Variants in DNAH9 observed in about 807,000 individuals in gnomAD.
DNAH9 encodes the protein dynein axonemal heavy chain 9, also known as DNAH9 variant protein.
Under a neutral mutation model 471.6 loss-of-function variants are expected in DNAH9, and 345 were observed. The ratio of observed to expected loss-of-function variants is 0.73; its 90% CI spans 0.67 to 0.80. The LOEUF is 0.80. Ranked by LOEUF, DNAH9 falls within the 30% of genes least tolerant of loss-of-function variation. The pLI is 0.00. For missense variants in DNAH9, 5,407 were observed against 5,609.2 expected, an observed-to-expected ratio of 0.96 and a Z score of 1.15; for synonymous variants, 2,093 against 2,123.6, an observed-to-expected ratio of 0.99 and a Z score of 0.40.
At chr17:11,924,011 TC>T in intron 62 of DNAH9, 70 bp downstream of exon 62, 1 of 1,567,262 alleles carries the variant, frequency 6.4e-7, no homozygotes, top group East Asian at 2.3e-5. Context: ...ACTGGGCATC[TC>T]CATCCACTCT....
intron 48 of DNAH9, among the ~76,000 whole-genome samples, chr17:11,828,259 AG>A (rs1970571195): frequency 6.6e-6 from 1 of 151,944 alleles, no homozygotes. Flanking sequence ...GGATCACCTG[AG>A]GTCAGGAGTT....
At chr17:11,803,399 T>C (rs9896005) in intron 43 of DNAH9, among the ~76,000 whole-genome samples, 26,266 of 151,732 alleles carry the variant, frequency 0.17, 2,379 homozygotes, top group African/African-American at 0.21. Context: ...TGTGTGTGTG[T>C]GCGCTCGCAC....
intron 41 of DNAH9, 82 bp from the exon 42 acceptor site, chr17:11,793,421 A>G: frequency 7.6e-7 from 1 of 1,321,066 alleles, no homozygotes; most frequent in Non-Finnish European, 1.1e-6. Context: ...CAGGTTAGAT[A>G]AAATGCTCCA....
chr17:11,671,800 C>A (rs990516831), intron 17 of DNAH9, among the ~76,000 whole-genome samples: 3 of 152,204 alleles, frequency 2.0e-5, no homozygotes, highest in Admixed American at 6.5e-5. Flanking sequence ...CCATAGGCAT[C>A]AACCAGGCAG....
At chr17:11,915,522 A>AAAACAAAC (rs61595504) in intron 61 of DNAH9, among the ~76,000 whole-genome samples, 1 of 151,664 alleles carries the variant, frequency 6.6e-6, no homozygotes, top group South Asian at 2.1e-4. Context: ...CTCCATCTCA[A>AAAACAAAC]AAACAAACAA....
At position 11,869,273 on chromosome 17, in the gene DNAH9, GC is replaced by G. The variant is rs1567862547; in HGVS notation, c.10053+23del. 1 of 1,610,862 alleles carries G rather than the reference GC, an allele frequency of 6.2e-7. No homozygotes were observed. Among genetic ancestry groups the G allele is most frequent in the Admixed American group, 1.7e-5 (1 of 59,748 alleles). On this transcript the variant is annotated intron_variant, in intron 51 of 68. Coordinates refer to ENST00000262442, the MANE Select transcript of DNAH9 (RefSeq NM_001372.4). The stretch of plus-strand genomic sequence containing the variant: ...CGCCTGGTGAGTGTAAGCCACAGCA[GC>G]CCGAGCTGTAATTATATTAGCAGGC...
rs58010981 is a variant in DNAH9 at position 11,821,286 on chromosome 17, C to CA, written c.8708-613dup. On this transcript the variant is annotated intron_variant, in intron 45 of 68. Transcript: ENST00000262442. ...GGGCAACAGGAGCAAAACTCTATCTCAAAAAAAAAAAAAAAAAAAAATCAA... is the reference window on the plus strand; with the variant it reads ...GGGCAACAGGAGCAAAACTCTATCTCAAAAAAAAAAAAAAAAAAAAAATCAA... Among the ~76,000 whole-genome samples, 407 of 123,828 alleles carry CA rather than the reference C, an allele frequency of 3.3e-3. 2 individuals are homozygous for CA. Among genetic ancestry groups the CA allele is most frequent in the South Asian group, 9.2e-3 (34 of 3,690 alleles). The allele number at this position is 123,828 out of a possible 152,430, so 81.2% of individuals were successfully genotyped here.
intron 49 of DNAH9, among the ~76,000 whole-genome samples, chr17:11,852,147 T>A (rs1413689651): frequency 1.3e-5 from 2 of 152,174 alleles, no homozygotes; most frequent in Non-Finnish European, 2.9e-5. Flanking sequence ...GTACTTCCAT[T>A]CGGAGCTAGA....
At chr17:11,608,545 A>G (rs1415782325) in intron 2 of DNAH9, among the ~76,000 whole-genome samples, 2 of 152,156 alleles carry the variant, frequency 1.3e-5, no homozygotes, top group Non-Finnish European at 2.9e-5. Context: ...TTCCAAGGCT[A>G]TTACAGCAAT....
intron 63 of DNAH9, 61 bp downstream of exon 63, chr17:11,930,154 G>A: frequency 7.1e-7 from 1 of 1,413,190 alleles, no homozygotes; most frequent in Non-Finnish European, 9.9e-7. Flanking sequence ...GATGCAAACT[G>A]GTGGGGGGAG....
In DNAH9 at chr17:11,798,852, C is replaced by A. The variant is rs565990353; in HGVS notation, c.8420+1059C>A. On this transcript the variant is annotated intron_variant, in intron 43 of 68. Coordinates refer to ENST00000262442, the MANE Select transcript of DNAH9 (RefSeq NM_001372.4). ...CCAGGGCCTAGAGAGGAGTAAGTAA[C>A]CTCCTTACCCCCAGTCCCCCACCCC... 2.0e-5 allele frequency among the ~76,000 whole-genome samples: 3 copies of A among 152,150 alleles called. No individual in the cohort carries two copies. The East Asian group carries it at 5.8e-4, about 29-fold the overall frequency.
intron 45 of DNAH9, among the ~76,000 whole-genome samples, chr17:11,810,778 A>G (rs1969866245): frequency 6.6e-6 from 1 of 152,222 alleles, no homozygotes; most frequent in African/African-American, 2.4e-5. Flanking sequence ...GAGCATGAGC[A>G]TGCACGCGTA....
rs1192006131 is a variant in DNAH9 at position 11,693,998 on chromosome 17, G to A, written c.4745G>A (p.Arg1582Lys). 1.9e-6 allele frequency: 3 copies of A among 1,613,612 alleles called. No individual in the cohort carries two copies. The highest frequency in any genetic ancestry group is 2.7e-5 in the African/African-American group (2 of 74,908). The change falls in exon 21 of 69, where the codon AGA (arginine) becomes AAA (lysine). Residue 1582 changes from arginine (R) to lysine (K), a missense_variant and splice_region_variant. Around this residue, in one of 3 missense-constraint regions of DNAH9, gnomAD observed 4,636 missense variants for 4,900.3 expected, o/e 0.95. Coordinates refer to ENST00000262442, the MANE Select transcript of DNAH9 (RefSeq NM_001372.4). ...GAAAAGCTGGAGGATATTCAGGGCA[G>A]GTGAGGGTCCGCCCATTACCCCTTC... ...LYEKLEDIQG[R>K]LCLCEKALAE...
intron 1 of DNAH9, among the ~76,000 whole-genome samples, chr17:11,606,136 C>T (rs1360146570): frequency 1.3e-5 from 2 of 152,180 alleles, no homozygotes; most frequent in African/African-American, 4.8e-5. Flanking sequence ...TTTTGAGCTC[C>T]CTTTACTGAT....
At chr17:11,645,624 C>G (rs1004713232) in intron 11 of DNAH9, among the ~76,000 whole-genome samples, 2 of 152,144 alleles carry the variant, frequency 1.3e-5, no homozygotes, top group Non-Finnish European at 2.9e-5. Context: ...CCACCTCCAG[C>G]CTCTGCCATG....
intron 26 of DNAH9, among the ~76,000 whole-genome samples, chr17:11,711,541 T>C (rs2074827246): frequency 6.6e-6 from 1 of 152,078 alleles, no homozygotes; most frequent in Non-Finnish European, 1.5e-5. Flanking sequence ...TATTTAAAGA[T>C]GTTTGCTTTA....
At chr17:11,784,650 C>T in intron 41 of DNAH9, 111 bp downstream of exon 41, 1 of 1,470,170 alleles carries the variant, frequency 6.8e-7, no homozygotes, top group Non-Finnish European at 9.4e-7. Flanking sequence ...GGCAAAGCCA[C>T]TGTTCATATG....
chr17:11,730,795 G>A (rs1258925521), intron 28 of DNAH9, among the ~76,000 whole-genome samples: 2 of 151,760 alleles, frequency 1.3e-5, no homozygotes, highest in African/African-American at 4.8e-5. Context: ...GGTGATGATG[G>A]TAGTGGTGAT....
chr17:11,808,870 A>G (rs886123540), intron 44 of DNAH9, among the ~76,000 whole-genome samples: 2 of 152,178 alleles, frequency 1.3e-5, no homozygotes, highest in Non-Finnish European at 2.9e-5. Context: ...GATGATTCCA[A>G]TGAGAACTGA....
Sources: allele counts gnomAD v4.1 joint callset (sites outside exome capture counted in the v4.1 genomes callset), GRCh38; gene constraint gnomAD v4.1.1; regional missense constraint gnomAD v4.1.1; transcripts MANE v1.5; gene names NCBI Gene and HGNC (gene_info 2026-07-23, HGNC 2026-07-21).